PRKCQ: variants seen among roughly 807,000 people sequenced by gnomAD.
PRKCQ encodes the protein protein kinase C theta type.
A neutral mutation model predicts 91.2 loss-of-function variants in PRKCQ; 41 were observed. The ratio of observed to expected loss-of-function variants is 0.45; its 90% confidence interval spans 0.35 to 0.58. PRKCQ has a LOEUF of 0.58. Ranked by LOEUF, PRKCQ falls within the 20% of genes least tolerant of loss-of-function variation. PRKCQ has a pLI of 0.00. For missense variants in PRKCQ, 673 were observed against 896.5 expected (o/e 0.75, Z 3.18); for synonymous variants, 307 against 316.9 (o/e 0.97, Z 0.33).
intron 12 of PRKCQ, among the ~76,000 whole-genome samples, chr10:6,478,159 T>C (rs1836373754): frequency 6.6e-6 from 1 of 152,172 alleles, no homozygotes; most frequent in South Asian, 2.1e-4. Context: ...TCCAAAGACG[T>C]AAGAAAATGT....
chr10:6,568,837 C>T (rs1332876960), intron 1 of PRKCQ, among the ~76,000 whole-genome samples: 1 of 151,934 alleles, frequency 6.6e-6, no homozygotes, highest in East Asian at 1.9e-4. Context: ...TACAGTGGTC[C>T]ACAAAGCAGG....
At chr10:6,555,811 T>C (rs538900478) in intron 1 of PRKCQ, among the ~76,000 whole-genome samples, 1 of 151,984 alleles carries the variant, frequency 6.6e-6, no homozygotes, top group South Asian at 2.1e-4. Flanking sequence ...GGAGTTCAAG[T>C]CTAGCCTAAC....
chr10:6,511,005 G>A lies in PRKCQ; in HGVS notation c.308C>T (p.Thr103Ile). The change falls in exon 3 of 18, where the codon ACA (threonine) becomes ATA (isoleucine). Residue 103 changes from threonine (T) to isoleucine (I), a missense_variant. Coordinates refer to ENST00000263125, the MANE Select transcript of PRKCQ (RefSeq NM_006257.5). Reference sequence around the variant, plus strand: ...TTTATGCAACGTTACCCATATTTCTGTCTTCCCGTTGTTCTTCCTGCACCT... The same window carrying A: ...TTTATGCAACGTTACCCATATTTCTATCTTCCCGTTGTTCTTCCTGCACCT... Reference protein sequence around the residue: ...AERCRKNNGKTEIWLELKPQG... With the variant: ...AERCRKNNGKIEIWLELKPQG... 1 of 1,614,078 alleles carries A rather than the reference G, an allele frequency of 6.2e-7. No individual in the cohort carries two copies. Among genetic ancestry groups the A allele is most frequent in the Non-Finnish European group, 8.5e-7 (1 of 1,179,998 alleles).
chr10:6,453,979 A>T (rs1834863582), intron 15 of PRKCQ, among the ~76,000 whole-genome samples: 1 of 152,070 alleles, frequency 6.6e-6, no homozygotes, highest in Non-Finnish European at 1.5e-5. Context: ...CTAAATGACG[A>T]GTTAATGGGT....
At chr10:6,542,960 G>T (rs1316846057) in intron 1 of PRKCQ, among the ~76,000 whole-genome samples, 2 of 152,106 alleles carry the variant, frequency 1.3e-5, no homozygotes, top group Non-Finnish European at 1.5e-5. Flanking sequence ...ATTCAGAAGG[G>T]CTCAAAGCAA....
the PRKCQ span, among the ~76,000 whole-genome samples, chr10:6,407,723 T>C: frequency 2.0e-5 from 3 of 152,140 alleles, no homozygotes; most frequent in South Asian, 6.2e-4. This position sits in a 1 kb window ranked among gnomAD's most constrained non-coding sequence, Gnocchi z 4.0. Context: ...TGTGTTCATG[T>C]AACAGACAGA....
At chr10:6,456,550 T>C (rs1835017335) in intron 15 of PRKCQ, 124 bp downstream of exon 15, 1 of 1,319,288 alleles carries the variant, frequency 7.6e-7, no homozygotes, top group Non-Finnish European at 1.0e-6. Context: ...ATGAGATACT[T>C]AAGAAAACAG....
At chr10:6,456,638 T>A (rs1394113666) in intron 15 of PRKCQ, 36 bp downstream of exon 15, 5 of 1,610,922 alleles carry the variant, frequency 3.1e-6, no homozygotes, top group Non-Finnish European at 4.2e-6. Flanking sequence ...GGCCAGGGCA[T>A]GGTGAGGTGG....
At chr10:6,439,910 G>A (rs1833881828) in intron 16 of PRKCQ, among the ~76,000 whole-genome samples, 1 of 152,114 alleles carries the variant, frequency 6.6e-6, no homozygotes, top group Non-Finnish European at 1.5e-5. Flanking sequence ...TGTACTGGCT[G>A]ATATGGTTTG....
At chr10:6,537,196 G>A (rs1418040930) in intron 1 of PRKCQ, among the ~76,000 whole-genome samples, 1 of 152,008 alleles carries the variant, frequency 6.6e-6, no homozygotes, top group Non-Finnish European at 1.5e-5. Context: ...TTTATTTCTC[G>A]CTTTGTTTTC....
In PRKCQ at chr10:6,430,835, AT is replaced by A; in HGVS notation, c.1939del (p.Ile647LeufsTer9). ...INWEELERKE[I>X]DPPFRPKVKS... is the part of the protein sequence containing the mutation. The stretch of plus-strand genomic sequence containing the variant: ...CACTTTCGGCCGGAACGGTGGGTCA[AT>A]CTCCTTCCGTTCAAGTTCCTCCCAG... On this transcript the variant is annotated frameshift_variant, in exon 17 of 18. Coordinates refer to ENST00000263125, the MANE Select transcript of PRKCQ (RefSeq NM_006257.5). LOFTEE classifies it high-confidence loss of function. This position sits in a 1 kb window ranked among gnomAD's most constrained non-coding sequence, Gnocchi z 4.7. The A allele has an allele frequency of 6.2e-7, 1 of 1,614,106 alleles. No individual in the cohort carries two copies. The highest frequency in any genetic ancestry group is 8.5e-7 in the Non-Finnish European group (1 of 1,179,990).
chr10:6,467,419 G>T (rs1044010491), intron 12 of PRKCQ, among the ~76,000 whole-genome samples: 1 of 132,984 alleles, frequency 7.5e-6, no homozygotes, highest in Non-Finnish European at 1.6e-5. Flanking sequence ...GAGAGAGAGA[G>T]AGAGAGAGAG....
chr10:6,552,893 ATT>A (rs71515440), intron 1 of PRKCQ, among the ~76,000 whole-genome samples: 1 of 40,884 alleles, frequency 2.4e-5, no homozygotes, highest in Non-Finnish European at 1.1e-4. Flanking sequence ...AAAAATTAAA[ATT>A]TTTTTTTAAT....
chr10:6,442,217 TC>T, intron 15 of PRKCQ, 136 bp from the exon 16 acceptor site: 2 of 848,776 alleles, frequency 2.4e-6, no homozygotes, highest in Non-Finnish European at 3.5e-6. Flanking sequence ...GAAACCCATC[TC>T]TTGGGAAGCC....
intron 16 of PRKCQ, among the ~76,000 whole-genome samples, chr10:6,432,616 G>A (rs998100402): frequency 2.6e-5 from 4 of 152,108 alleles, no homozygotes; most frequent in South Asian, 2.1e-4. Context: ...GACTACCCAC[G>A]TCGCCTTGGA....
At chr10:6,569,465 C>T (rs1171779435) in intron 1 of PRKCQ, among the ~76,000 whole-genome samples, 1 of 152,056 alleles carries the variant, frequency 6.6e-6, no homozygotes, top group Non-Finnish European at 1.5e-5. Context: ...CCTTCGAATC[C>T]ACATCAGGGA....
intron 3 of PRKCQ, 46 bp downstream of exon 3, chr10:6,510,949 A>C: frequency 6.2e-7 from 1 of 1,607,792 alleles, no homozygotes; most frequent in South Asian, 1.1e-5. Flanking sequence ...GTCATCGGCT[A>C]CCATCATGCT....
At chr10:6,484,023 T>C (rs1008959324) in intron 10 of PRKCQ, among the ~76,000 whole-genome samples, 4 of 152,230 alleles carry the variant, frequency 2.6e-5, no homozygotes, top group African/African-American at 7.2e-5. Flanking sequence ...GTGGCATCAA[T>C]TTCTACAATT....
chr10:6,565,027 T>C (rs1258412983), intron 1 of PRKCQ, among the ~76,000 whole-genome samples: 1 of 152,182 alleles, frequency 6.6e-6, no homozygotes, highest in Non-Finnish European at 1.5e-5. Context: ...ACTAAGAAAA[T>C]GTGGCATGTG....
Sources: allele counts gnomAD v4.1 joint callset (sites outside exome capture counted in the v4.1 genomes callset), GRCh38; gene constraint gnomAD v4.1.1; non-coding constraint Gnocchi (gnomAD v3.1); transcripts MANE v1.5; gene names NCBI Gene and HGNC (gene_info 2026-07-23, HGNC 2026-07-21).